The following FNDC3B variants were observed in gnomAD, a reference collection of about 807,000 sequenced individuals.
The protein encoded by FNDC3B is fibronectin type III domain-containing protein 3B.
FNDC3B carries 12 observed loss-of-function variants against 151.5 expected under a neutral mutation model. That is an observed-to-expected ratio of 0.08 (90% confidence interval 0.05 to 0.13). The LOEUF (loss-of-function observed/expected upper bound fraction) is 0.13, where lower values mean the gene tolerates loss of function less well. Among genes scored for constraint, FNDC3B ranks in the 10% least tolerant of loss-of-function variants. The pLI is 1.00. For missense variants in FNDC3B, 1,214 were observed against 1,505.3 expected, an observed-to-expected ratio of 0.81 and a Z score of 3.20; for synonymous variants, 528 against 549.0, an observed-to-expected ratio of 0.96 and a Z score of 0.54.
At chr3:172,353,648 C>T (rs907365976) in intron 22 of FNDC3B, among the ~76,000 whole-genome samples, 18 of 152,156 alleles carry the variant, frequency 1.2e-4, no homozygotes, top group African/African-American at 3.9e-4. Context: ...ACATCTTCCA[C>T]GTACCAGAAA....
chr3:172,396,308 A>C (rs1490620597), intron 25 of FNDC3B, among the ~76,000 whole-genome samples: 2 of 152,220 alleles, frequency 1.3e-5, no homozygotes, highest in Non-Finnish European at 2.9e-5. Flanking sequence ...TTACAGAATT[A>C]GAAGTCATTA....
At chr3:172,057,418 T>G (rs1716969187) in intron 1 of FNDC3B, among the ~76,000 whole-genome samples, 1 of 152,224 alleles carries the variant, frequency 6.6e-6, no homozygotes, top group Non-Finnish European at 1.5e-5. Flanking sequence ...TGAAATGACA[T>G]GGAATGTTTG....
chr3:172,395,093 C>T (rs1051291086), intron 25 of FNDC3B, among the ~76,000 whole-genome samples: 1 of 152,282 alleles, frequency 6.6e-6, no homozygotes, highest in Middle Eastern at 3.4e-3. Context: ...ATAGCTAACT[C>T]CTACTGTGCA....
At chr3:172,189,708 A>G (rs9845549) in intron 3 of FNDC3B, among the ~76,000 whole-genome samples, 248 of 150,838 alleles carry the variant, frequency 1.6e-3, no homozygotes, top group African/African-American at 5.9e-3. Flanking sequence ...CAGCTGCTCA[A>G]AAGGATTGCC....
chr3:172,314,419 C>G (rs907836933), intron 11 of FNDC3B, among the ~76,000 whole-genome samples: 2 of 152,198 alleles, frequency 1.3e-5, no homozygotes, highest in African/African-American at 4.8e-5. Context: ...TAGCACTCTT[C>G]CCTGTCTCTG....
chr3:172,097,908 T>C (rs182281760), intron 1 of FNDC3B, among the ~76,000 whole-genome samples: 1 of 152,352 alleles, frequency 6.6e-6, no homozygotes, highest in East Asian at 1.9e-4. Context: ...TGTGATATTC[T>C]TTATTATTAT....
intron 3 of FNDC3B, among the ~76,000 whole-genome samples, chr3:172,149,223 A>G (rs1276581268): frequency 1.3e-5 from 2 of 152,202 alleles, no homozygotes; most frequent in Non-Finnish European, 2.9e-5. Context: ...TATGAAATTC[A>G]CTTGAAAAGT....
chr3:172,376,958 A>T (rs1735179763), intron 23 of FNDC3B, among the ~76,000 whole-genome samples: 1 of 152,198 alleles, frequency 6.6e-6, no homozygotes. Context: ...ACTGTGCTCC[A>T]GCACATGGAA....
At chr3:172,277,415 G>T (rs1204147229) in intron 6 of FNDC3B, among the ~76,000 whole-genome samples, 1 of 152,068 alleles carries the variant, frequency 6.6e-6, no homozygotes, top group Admixed American at 6.5e-5. Flanking sequence ...TCCTTGTGTG[G>T]CTGAGAGAAG....
intron 22 of FNDC3B, among the ~76,000 whole-genome samples, chr3:172,361,671 T>C (rs79674845): frequency 0.078 from 11,836 of 152,246 alleles, 547 homozygotes; most frequent in Non-Finnish European, 0.096. Context: ...TCTTCCAGTG[T>C]CTGCCCATTA....
At chr3:172,271,313 A>G (rs1214975108) in intron 6 of FNDC3B, among the ~76,000 whole-genome samples, 1 of 152,214 alleles carries the variant, frequency 6.6e-6, no homozygotes, top group Non-Finnish European at 1.5e-5. Flanking sequence ...GTATTAAAAC[A>G]AGGTTTTAAT....
chr3:172,068,702 G>A (rs1019161496), intron 1 of FNDC3B, among the ~76,000 whole-genome samples: 2 of 152,188 alleles, frequency 1.3e-5, no homozygotes, highest in South Asian at 2.1e-4. Flanking sequence ...TGGGATTACA[G>A]GCATGAGCCA....
intron 3 of FNDC3B, among the ~76,000 whole-genome samples, chr3:172,147,641 A>G (rs1030025339): frequency 6.6e-6 from 1 of 152,104 alleles, no homozygotes; most frequent in African/African-American, 2.4e-5. Flanking sequence ...GTTAAAACAC[A>G]GTTGCTGGTT....
intron 25 of FNDC3B, among the ~76,000 whole-genome samples, chr3:172,393,290 C>G (rs929909704): frequency 6.6e-6 from 1 of 152,066 alleles, no homozygotes; most frequent in African/African-American, 2.4e-5. Context: ...TAAAAAGAGA[C>G]ATTATATAAT....
intron 7 of FNDC3B, among the ~76,000 whole-genome samples, chr3:172,294,385 G>A (rs1384341671): frequency 1.3e-5 from 2 of 152,344 alleles, no homozygotes; most frequent in East Asian, 3.9e-4. Context: ...TACAATCATG[G>A]TGGAAGAAAA....
At chr3:172,386,706 A>C (rs1243303068) in intron 25 of FNDC3B, among the ~76,000 whole-genome samples, 1 of 149,328 alleles carries the variant, frequency 6.7e-6, no homozygotes, top group Non-Finnish European at 1.5e-5. Context: ...GTGCCACTGC[A>C]CTCCAGCCTA....
chr3:172,219,751 T>C (rs1726173709), intron 3 of FNDC3B, among the ~76,000 whole-genome samples: 1 of 152,262 alleles, frequency 6.6e-6, no homozygotes, highest in Admixed American at 6.5e-5. Flanking sequence ...CTGATCCTAA[T>C]GCTTTCAAGC....
intron 3 of FNDC3B, among the ~76,000 whole-genome samples, chr3:172,167,687 C>T (rs1576926865): frequency 1.3e-5 from 2 of 152,192 alleles, no homozygotes; most frequent in African/African-American, 4.8e-5. Context: ...AACCAGGCCA[C>T]ACAGCAGGAG....
chr3:172,056,379 A>G (rs1000947050), intron 1 of FNDC3B, among the ~76,000 whole-genome samples: 15 of 152,238 alleles, frequency 9.9e-5, no homozygotes, highest in African/African-American at 3.6e-4. Context: ...AAAAGGAAAC[A>G]TTTTTAAGGA....
Sources: allele counts gnomAD v4.1 joint callset (sites outside exome capture counted in the v4.1 genomes callset), GRCh38; gene constraint gnomAD v4.1.1; transcripts MANE v1.5; gene names NCBI Gene and HGNC (gene_info 2026-07-23, HGNC 2026-07-21).